Variants in TLCD4 observed in about 807,000 individuals in gnomAD.
TLCD4 encodes the protein TLC domain containing 4.
A neutral mutation model predicts 24.2 loss-of-function variants in TLCD4; 7 were observed. The observed-to-expected ratio is 0.29, with a 90% CI of 0.16 to 0.54. The LOEUF is 0.54. Among genes scored for constraint, TLCD4 ranks in the 20% least tolerant of loss-of-function variants. The pLI, the probability that TLCD4 is intolerant of heterozygous loss-of-function variation, is 0.95. For synonymous variants in TLCD4, 103 were observed against 106.4 expected (o/e 0.97, Z 0.20); for missense variants, 259 against 313.9 (o/e 0.82, Z 1.32).
chr1:95,166,607 C>A (rs925591209), intron 5 of TLCD4, among the ~76,000 whole-genome samples: 5 of 152,174 alleles, frequency 3.3e-5, no homozygotes, highest in Admixed American at 3.3e-4. Flanking sequence ...TCCCCATCAT[C>A]CAGGCCTGAA....
intron 1 of TLCD4, among the ~76,000 whole-genome samples, chr1:95,118,534 GT>G (rs113125095): frequency 3.3e-5 from 5 of 152,322 alleles, no homozygotes; most frequent in African/African-American, 1.2e-4. Context: ...AGATGGAAGA[GT>G]TTGTGTGGAC....
chr1:95,192,147 A>T lies in TLCD4; in HGVS notation c.*279A>T, dbSNP rs1679048200. 5 of 411,496 alleles carry T rather than the reference A, an allele frequency of 1.2e-5. No individual in the cohort carries two copies. Among genetic ancestry groups the T allele is most frequent in the Non-Finnish European group, 1.9e-5 (5 of 268,602 alleles). 25.5% of individuals were successfully genotyped at this position (411,496 alleles called of 1,614,324 possible). On this transcript the variant is annotated 3_prime_UTR_variant, in exon 7 of 7. Coordinates refer to ENST00000370203, the MANE Select transcript of TLCD4 (RefSeq NM_152487.3). ...CTCATCTCTACTAAAAATACAAAAA[A>T]AAGTAGCTGGGCGTGGTGGTTGGCG...
At chr1:95,118,864 A>C (rs77085350) in intron 1 of TLCD4, among the ~76,000 whole-genome samples, 1 of 152,070 alleles carries the variant, frequency 6.6e-6, no homozygotes, top group Non-Finnish European at 1.5e-5. Context: ...TGGGTGAAGA[A>C]CCATGGATTT....
the TLCD4 span, among the ~76,000 whole-genome samples, chr1:95,096,340 G>A: frequency 6.6e-6 from 1 of 152,206 alleles, no homozygotes; most frequent in African/African-American, 2.4e-5. Context: ...GGCCTTAGGT[G>A]TAGAGATGAG....
At chr1:95,139,174 CAAA>C (rs71097248) in intron 1 of TLCD4, among the ~76,000 whole-genome samples, 11 of 76,806 alleles carry the variant, frequency 1.4e-4, no homozygotes, top group South Asian at 5.0e-4. Context: ...GAACCTGTGT[CAAA>C]AAAAAAAAAA....
chr1:95,133,144 G>A (rs927907300), intron 1 of TLCD4, among the ~76,000 whole-genome samples: 2 of 152,160 alleles, frequency 1.3e-5, no homozygotes, highest in African/African-American at 4.8e-5. Context: ...TTGTAAATCT[G>A]TTGATTTTTG....
chr1:95,127,412 A>G (rs1357242871), intron 1 of TLCD4, among the ~76,000 whole-genome samples: 1 of 152,212 alleles, frequency 6.6e-6, no homozygotes, highest in African/African-American at 2.4e-5. Context: ...CCCTGACTCC[A>G]TAGGTTCTGA....
At chr1:95,176,227 C>T (rs1678422566) in intron 6 of TLCD4, among the ~76,000 whole-genome samples, 2 of 147,544 alleles carry the variant, frequency 1.4e-5, no homozygotes, top group Non-Finnish European at 3.0e-5. Flanking sequence ...AGTTTTGCTC[C>T]GTCGCCCAGT....
chr1:95,164,272 G>C (rs1035817220), intron 5 of TLCD4: 1 of 152,932 alleles, frequency 6.5e-6, no homozygotes, highest in African/African-American at 2.4e-5. Context: ...CAATGAGCGA[G>C]GCTCCGTGGG....
At chr1:95,147,950 T>C (rs2100942797) in intron 2 of TLCD4, among the ~76,000 whole-genome samples, 1 of 152,334 alleles carries the variant, frequency 6.6e-6, no homozygotes, top group African/African-American at 2.4e-5. Flanking sequence ...TTATGGTTTT[T>C]ATGTTAAACT....
chr1:95,160,981 C>T (rs1411646767), intron 5 of TLCD4, among the ~76,000 whole-genome samples: 2 of 152,150 alleles, frequency 1.3e-5, no homozygotes, highest in African/African-American at 4.8e-5. Context: ...TGTTGTGTCT[C>T]TGCCAGGCTT....
chr1:95,135,767 A>G (rs1053295125), intron 1 of TLCD4, among the ~76,000 whole-genome samples: 2 of 151,936 alleles, frequency 1.3e-5, no homozygotes, highest in Non-Finnish European at 2.9e-5. Flanking sequence ...ACAGGGTCTC[A>G]TTCTGTCACC....
the TLCD4 span, among the ~76,000 whole-genome samples, chr1:95,097,730 G>A: frequency 1.3e-5 from 2 of 149,806 alleles, no homozygotes; most frequent in African/African-American, 2.5e-5. Flanking sequence ...AGATGGTGTC[G>A]TAACTTTTAT....
chr1:95,106,436 C>T, the TLCD4 span, among the ~76,000 whole-genome samples: 1 of 152,234 alleles, frequency 6.6e-6, no homozygotes, highest in Admixed American at 6.5e-5. Context: ...TGTGGTGGCT[C>T]ACGCCTGTAA....
chr1:95,127,061 C>T (rs1311661111), intron 1 of TLCD4, among the ~76,000 whole-genome samples: 1 of 152,230 alleles, frequency 6.6e-6, no homozygotes, highest in South Asian at 2.1e-4. Context: ...ACATAACTAT[C>T]TTGCCATTAG....
At chr1:95,150,645 T>C (rs968106341) in intron 4 of TLCD4, among the ~76,000 whole-genome samples, 4 of 152,194 alleles carry the variant, frequency 2.6e-5, no homozygotes, top group Non-Finnish European at 5.9e-5. Flanking sequence ...TGGTTTTGTG[T>C]TGTTTTTGTA....
At chr1:95,115,106 A>AT (rs398103047), upstream of TLCD4, among the ~76,000 whole-genome samples, 4 of 102,636 alleles carry the variant, frequency 3.9e-5, no homozygotes, top group African/African-American at 5.8e-5. Flanking sequence ...ATATATATAT[A>AT]ATATATATGT....
At chr1:95,116,478 C>T (rs1301324834), upstream of TLCD4, among the ~76,000 whole-genome samples, 1 of 152,124 alleles carries the variant, frequency 6.6e-6, no homozygotes, top group Non-Finnish European at 1.5e-5. Context: ...AAATAAATAT[C>T]CTGTTATCAA....
chr1:95,163,893 T>G (rs1403029453), intron 5 of TLCD4: 4 of 152,400 alleles, frequency 2.6e-5, no homozygotes, highest in East Asian at 1.9e-4. Context: ...CCCAGCCATA[T>G]GAGGTGTCAG....
Sources: gnomAD v4.1 joint callset for allele counts (sites outside exome capture counted in the v4.1 genomes callset) on GRCh38, gnomAD v4.1.1 for gene constraint, MANE v1.5 for transcripts, NCBI Gene and HGNC (gene_info 2026-07-23, HGNC 2026-07-21) for gene names.